MEF2D: variants seen among roughly 807,000 people sequenced by gnomAD.
The protein encoded by MEF2D is myocyte-specific enhancer factor 2D.
In MEF2D, 10 loss-of-function variants were observed where a neutral mutation model predicts 59.3. The observed-to-expected ratio is 0.17, with a 90% CI of 0.10 to 0.29. The LOEUF (loss-of-function observed/expected upper bound fraction) is 0.29, where lower values mean the gene tolerates loss of function less well. Among genes scored for constraint, MEF2D ranks in the 10% least tolerant of loss-of-function variants. The pLI is 1.00. For synonymous variants in MEF2D, 305 were observed against 295.0 expected, an observed-to-expected ratio of 1.03 and a Z score of -0.35; for missense variants, 508 against 699.4, an observed-to-expected ratio of 0.73 and a Z score of 3.09.
chr1:156,469,414 C>T (rs892961454), intron 9 of MEF2D, among the ~76,000 whole-genome samples: 16 of 151,994 alleles, frequency 1.1e-4, no homozygotes, highest in African/African-American at 3.4e-4. Flanking sequence ...CATGCCACCA[C>T]GCCCAGCTAA....
intron 1 of MEF2D, among the ~76,000 whole-genome samples, chr1:156,500,091 G>A (rs542908130): frequency 1.1e-4 from 16 of 152,268 alleles, no homozygotes; most frequent in African/African-American, 3.4e-4. Context: ...AGGGCCGGCT[G>A]TTAAAATGTC....
intron 9 of MEF2D, among the ~76,000 whole-genome samples, chr1:156,471,930 G>A (rs1466854100): frequency 6.6e-6 from 1 of 152,196 alleles, no homozygotes; most frequent in African/African-American, 2.4e-5. Flanking sequence ...ACACTTCCCA[G>A]CAGGGCTCCA....
chr1:156,494,769 CACAG>C (rs1673032077), intron 1 of MEF2D, among the ~76,000 whole-genome samples: 1 of 152,238 alleles, frequency 6.6e-6, no homozygotes, highest in Non-Finnish European at 1.5e-5. Context: ...TGGAAACTCA[CACAG>C]AGATGGGCAG....
At position 156,480,912 on chromosome 1, in the gene MEF2D, C is replaced by G. The variant is rs751470442; in HGVS notation, c.318G>C (p.Ser106=). The part of the protein sequence containing the change: ...CDSPEPDGED[S]LEQSPLLEDK... ...CCTCCAGCAGGGGGCTCTGTTCCAG[C>G]GAGTCCTCCCCGTCGGGCTCGGGGC... The change falls in exon 4 of 12, where the codon TCG becomes TCC. Residue 106 remains serine, a synonymous_variant. Coordinates refer to ENST00000348159, the MANE Select transcript of MEF2D (RefSeq NM_005920.4). The G allele has an allele frequency of 6.2e-7, 1 of 1,611,612 alleles. No individual in the cohort carries two copies. The highest frequency in any genetic ancestry group is 2.2e-5 in the East Asian group (1 of 44,830).
chr1:156,477,901 T>A (rs921776323), intron 6 of MEF2D, among the ~76,000 whole-genome samples: 3 of 152,266 alleles, frequency 2.0e-5, no homozygotes, highest in Admixed American at 2.0e-4. Flanking sequence ...CTATCTTTTA[T>A]ATCTGCTCCA....
In MEF2D at chr1:156,483,249, C is replaced by T. The variant is rs746577783; in HGVS notation, c.44G>A (p.Arg15Gln). Residue 15 changes from arginine to glutamine, a missense_variant, in exon 2 of 12, where the codon CGG (arginine) becomes CAG (glutamine). Arg to Gln is a conservative substitution (Grantham distance 43, BLOSUM62 1). Coordinates refer to ENST00000348159, the MANE Select transcript of MEF2D (RefSeq NM_005920.4). ...KIQIQRITDE[R>Q]NRQVTFTKRK... is the part of the protein sequence containing the mutation. ...CTAGGACTTCCCTACCTGTCGGTTCCGCTCGTCGGTGATTCGCTGGATCTG... is the reference window on the plus strand; with the variant it reads ...CTAGGACTTCCCTACCTGTCGGTTCTGCTCGTCGGTGATTCGCTGGATCTG... The T allele has an allele frequency of 6.2e-7, 1 of 1,614,132 alleles. No individual in the cohort carries two copies. The highest frequency in any genetic ancestry group is 8.5e-7 in the Non-Finnish European group (1 of 1,180,006).
chr1:156,479,724 T>C lies in MEF2D; in HGVS notation c.469A>G (p.Ser157Gly). The C allele has an allele frequency of 1.3e-6, 2 of 1,551,688 alleles. No individual in the cohort carries two copies. The highest frequency in any genetic ancestry group is 1.7e-6 in the Non-Finnish European group (2 of 1,146,982). Residue 157 changes from serine to glycine, a missense_variant, in exon 5 of 12, where the codon AGC becomes GGC. Ser to Gly is a moderately conservative substitution (Grantham distance 56). Coordinates refer to ENST00000348159, the MANE Select transcript of MEF2D (RefSeq NM_005920.4). ...GTGACCAGGGAGCCGCTGGGATTGCTGAACTGCAGTGAGCTCTGATTGGAC... is the reference window on the plus strand; with the variant it reads ...GTGACCAGGGAGCCGCTGGGATTGCCGAACTGCAGTGAGCTCTGATTGGAC... ...PVSNQSSLQF[S>G]NPSGSLVTPS... is the part of the protein sequence containing the mutation.
intron 9 of MEF2D, among the ~76,000 whole-genome samples, chr1:156,473,965 C>G (rs1236250120): frequency 6.6e-6 from 1 of 152,158 alleles, no homozygotes; most frequent in Non-Finnish European, 1.5e-5. Flanking sequence ...TCCTCAGCCT[C>G]CTTGTCTCTT....
chr1:156,499,934 C>T (rs954988872), intron 1 of MEF2D, among the ~76,000 whole-genome samples: 2 of 152,040 alleles, frequency 1.3e-5, no homozygotes, highest in African/African-American at 4.8e-5. Flanking sequence ...CCGGTGTCAT[C>T]TGAACAACAT....
chr1:156,475,646 G>A (rs1284851218), intron 8 of MEF2D, among the ~76,000 whole-genome samples: 4 of 152,234 alleles, frequency 2.6e-5, no homozygotes, highest in Non-Finnish European at 5.9e-5. Context: ...GGGGAATGTG[G>A]GGCCTGGCGT....
At chr1:156,489,083 T>G (rs937727184) in intron 1 of MEF2D, among the ~76,000 whole-genome samples, 6 of 152,144 alleles carry the variant, frequency 3.9e-5, no homozygotes, top group African/African-American at 1.4e-4. Context: ...CAGCCTCGCA[T>G]CACAGAGCAG....
intron 1 of MEF2D, among the ~76,000 whole-genome samples, chr1:156,498,564 C>T (rs928114210): frequency 1.5e-4 from 23 of 152,174 alleles, no homozygotes; most frequent in African/African-American, 5.1e-4. Flanking sequence ...TGGGTCCCTA[C>T]AGGGGTGAGT....
intron 1 of MEF2D, among the ~76,000 whole-genome samples, chr1:156,490,996 C>T (rs1355672622): frequency 6.6e-6 from 1 of 152,196 alleles, no homozygotes; most frequent in Non-Finnish European, 1.5e-5. Context: ...TGACCTTCCC[C>T]TTATGGCCTC....
chr1:156,469,881 GA>G (rs1026535455), intron 9 of MEF2D, among the ~76,000 whole-genome samples: 10 of 146,522 alleles, frequency 6.8e-5, no homozygotes, highest in African/African-American at 2.0e-4. Context: ...GTCTCAAAAA[GA>G]AAAAAAAAAT....
At position 156,480,858 on chromosome 1, in the gene MEF2D, G is replaced by A. The variant is rs771689492; in HGVS notation, c.372C>T (p.Leu124=). ...CCCCATAGCGCCGGAAGAGCCCGTC[G>A]AGCTCCTCGCTGGCGCGTCGGTACT... ...EDKYRRASEE[L]DGLFRRYGST... is the part of the protein sequence containing the mutation. Residue 124 remains leucine (L), a synonymous_variant, in exon 4 of 12, where the codon CTC becomes CTT. Coordinates refer to ENST00000348159, the MANE Select transcript of MEF2D (RefSeq NM_005920.4). 26 of 1,599,736 alleles carry A rather than the reference G, an allele frequency of 1.6e-5. No homozygotes were observed. Among genetic ancestry groups the A allele is most frequent in the South Asian group, 1.2e-4 (11 of 88,810 alleles).
intron 1 of MEF2D, among the ~76,000 whole-genome samples, chr1:156,499,939 C>G (rs1469932478): frequency 3.3e-5 from 5 of 152,114 alleles, no homozygotes; most frequent in African/African-American, 1.2e-4. Flanking sequence ...GTCATCTGAA[C>G]AACATCCCCC....
At chr1:156,480,472 T>C (rs1275531110) in intron 4 of MEF2D, among the ~76,000 whole-genome samples, 2 of 152,150 alleles carry the variant, frequency 1.3e-5, no homozygotes, top group Admixed American at 6.5e-5. Context: ...TCCATCCCAG[T>C]AGAGTCTCAG....
At chr1:156,488,863 G>A (rs1345194416) in intron 1 of MEF2D, among the ~76,000 whole-genome samples, 2 of 152,178 alleles carry the variant, frequency 1.3e-5, no homozygotes, top group Non-Finnish European at 2.9e-5. Context: ...GAGCTGCAGG[G>A]GAATTCCTTT....
At chr1:156,500,053 C>A (rs2102310986) in intron 1 of MEF2D, among the ~76,000 whole-genome samples, 1 of 152,258 alleles carries the variant, frequency 6.6e-6, no homozygotes, top group South Asian at 2.1e-4. Context: ...GAGGAGGGAA[C>A]AGGCGGCGAG....
Sources: allele counts gnomAD v4.1 joint callset (sites outside exome capture counted in the v4.1 genomes callset), GRCh38; gene constraint gnomAD v4.1.1; transcripts MANE v1.5; gene names NCBI Gene and HGNC (gene_info 2026-07-23, HGNC 2026-07-21).